Variants in KIAA1755 observed in about 807,000 individuals in gnomAD.
The protein encoded by KIAA1755 is uncharacterized protein KIAA1755.
Under a neutral mutation model 91.7 loss-of-function variants are expected in KIAA1755, and 68 were observed. The ratio of observed to expected loss-of-function variants is 0.74; its 90% CI spans 0.61 to 0.91. KIAA1755 has a LOEUF of 0.91. Ranked by LOEUF, KIAA1755 falls within the 40% of genes least tolerant of loss-of-function variation. The pLI, the probability that KIAA1755 is intolerant of heterozygous loss-of-function variation, is 0.00. For synonymous variants in KIAA1755, 610 were observed against 604.6 expected (o/e 1.01, Z -0.13); for missense variants, 1,535 against 1,494.4 (o/e 1.03, Z -0.45).
In KIAA1755 at chr20:38,239,737, C is replaced by T; in HGVS notation, c.1550-12G>A. On this transcript the variant is annotated splice_polypyrimidine_tract_variant and intron_variant, in intron 3 of 13. Coordinates refer to ENST00000279024, the MANE Select transcript of KIAA1755 (RefSeq NM_001029864.2). Reference sequence around the variant, plus strand: ...CTGAGTTGTTCCAGCTGGGAAAAAGCAACAACAAAGAAAAGGACGTTAAGC... The same window carrying T: ...CTGAGTTGTTCCAGCTGGGAAAAAGTAACAACAAAGAAAAGGACGTTAAGC... The T allele has an allele frequency of 6.2e-7, 1 of 1,609,548 alleles. No homozygotes were observed. Among genetic ancestry groups the T allele is most frequent in the East Asian group, 2.2e-5 (1 of 44,852 alleles).
At chr20:38,258,152 C>T (rs779019861) in intron 1 of KIAA1755, among the ~76,000 whole-genome samples, 1 of 152,136 alleles carries the variant, frequency 6.6e-6, no homozygotes, top group Non-Finnish European at 1.5e-5. Flanking sequence ...CCGCCAGCCT[C>T]GGCCTCCCAA....
In KIAA1755 at chr20:38,258,372, G is replaced by T. The variant is rs527524159; in HGVS notation, c.3+2126C>A. Among the ~76,000 whole-genome samples, 4 of 152,294 alleles carry T rather than the reference G, an allele frequency of 2.6e-5. No homozygotes were observed. The South Asian group carries it at 8.3e-4, about 32-fold the overall frequency. On this transcript the variant is annotated intron_variant, in intron 1 of 13. Transcript: ENST00000279024. ...TTCTTATATATTTTATCCAGTAAGTGGATGTGTAAAAGTTGTTTCAGTGAT... is the reference window on the plus strand; with the variant it reads ...TTCTTATATATTTTATCCAGTAAGTTGATGTGTAAAAGTTGTTTCAGTGAT...
chr20:38,230,533 C>T (rs1345043154), intron 5 of KIAA1755, among the ~76,000 whole-genome samples: 2 of 152,172 alleles, frequency 1.3e-5, no homozygotes, highest in African/African-American at 2.4e-5. Flanking sequence ...ATCAGAAAAT[C>T]TGGGGGATGG....
At chr20:38,226,112 C>A (rs6014376) in intron 7 of KIAA1755, among the ~76,000 whole-genome samples, 27 of 152,306 alleles carry the variant, frequency 1.8e-4, no homozygotes, top group African/African-American at 5.5e-4. Context: ...GGCAATCATA[C>A]AAACTGATGG....
intron 13 of KIAA1755, among the ~76,000 whole-genome samples, chr20:38,215,246 G>A (rs973850396): frequency 6.6e-6 from 1 of 152,214 alleles, no homozygotes; most frequent in Admixed American, 6.5e-5. Flanking sequence ...TTCCAACAGC[G>A]AGAGTTGGAC....
At chr20:38,250,146 A>G (rs1600653135) in intron 1 of KIAA1755, among the ~76,000 whole-genome samples, 2 of 152,078 alleles carry the variant, frequency 1.3e-5, no homozygotes, top group Non-Finnish European at 2.9e-5. Context: ...CTTCAAATCC[A>G]CTCACTTTTT....
At chr20:38,236,133 T>A (rs2075956482) in intron 4 of KIAA1755, among the ~76,000 whole-genome samples, 1 of 152,182 alleles carries the variant, frequency 6.6e-6, no homozygotes, top group Non-Finnish European at 1.5e-5. Flanking sequence ...ACAAATTGAA[T>A]GTGGGATGTA....
intron 1 of KIAA1755, 94 bp from the exon 2 acceptor site, chr20:38,246,220 C>T: frequency 2.9e-6 from 3 of 1,027,136 alleles, no homozygotes; most frequent in Non-Finnish European, 4.3e-6. Context: ...GCCTAAGGCC[C>T]CTGCTAATTC....
Position 38,240,668 on chromosome 20 carries a change from T to C in KIAA1755, c.1463A>G (p.Lys488Arg). 1 of 1,543,392 alleles carries C rather than the reference T, an allele frequency of 6.5e-7. No individual in the cohort carries two copies. The highest frequency in any genetic ancestry group is 2.3e-5 in the East Asian group (1 of 44,348). Residue 488 changes from lysine to arginine, a missense_variant, in exon 3 of 14, where the codon AAA becomes AGA. Transcript: ENST00000279024. ...GQRQPSVTPEKASLQHNGPWK... is the reference protein window; with the variant it reads ...GQRQPSVTPERASLQHNGPWK... ...GGGCCCATTGTGCTGGAGTGAGGCT[T>C]TCTCCGGGGTCACAGAGGGTTGCCT... is the stretch of plus-strand genomic sequence containing the variant.
intron 4 of KIAA1755, among the ~76,000 whole-genome samples, chr20:38,235,457 C>G (rs1040103346): frequency 6.6e-6 from 1 of 152,214 alleles, no homozygotes; most frequent in African/African-American, 2.4e-5. Flanking sequence ...ATCATCCACT[C>G]TAATCATAGG....
In KIAA1755 at chr20:38,213,359, C is replaced by G; in HGVS notation, c.3286G>C (p.Asp1096His). 1 of 1,607,438 alleles carries G rather than the reference C, an allele frequency of 6.2e-7. No homozygotes were observed. The highest frequency in any genetic ancestry group is 1.1e-5 in the South Asian group (1 of 90,034). ...SKGRWDQPPL[D>H]SLGMDHLPKS... ...GGCAAATGGTCCATGCCCAGTGAGT[C>G]TAGTGGAGGCTGATCCCACCTCCCC... Residue 1096 changes from aspartate (D) to histidine (H), a missense_variant, in exon 14 of 14, where the codon GAC (aspartate) becomes CAC (histidine). Transcript: ENST00000279024.
chr20:38,241,925 G>A lies in KIAA1755; in HGVS notation c.206C>T (p.Pro69Leu), dbSNP rs1318809447. The change falls in exon 3 of 14, where the codon CCC becomes CTC. Residue 69 changes from proline to leucine, a missense_variant. Coordinates refer to ENST00000279024, the MANE Select transcript of KIAA1755 (RefSeq NM_001029864.2). ...GTGTAAGAAGAGGCAGTGTGAGTAG[G>A]GAGCCTGTGGAGAGAAGGGGATGGC... ...CEQVREAACA[P>L]YSHCLFLHEG... 2.7e-5 allele frequency: 44 copies of A among 1,608,386 alleles called. No individual in the cohort carries two copies. The highest frequency in any genetic ancestry group is 3.4e-5 in the Non-Finnish European group (40 of 1,176,708).
chr20:38,213,772 G>T, intron 13 of KIAA1755, 29 bp from the exon 14 acceptor site: 1 of 1,412,190 alleles, frequency 7.1e-7, no homozygotes. Flanking sequence ...GGGAGGTGGG[G>T]GCTCAGGCTG....
At chr20:38,225,564 AT>A in intron 8 of KIAA1755, 100 bp downstream of exon 8, 1 of 827,990 alleles carries the variant, frequency 1.2e-6, no homozygotes, top group Non-Finnish European at 2.1e-6. Flanking sequence ...GTGACCGTTT[AT>A]TTTTTAGCAT....
At position 38,246,178 on chromosome 20, in the gene KIAA1755, G is replaced by A. The variant is rs766994916; in HGVS notation, c.4-52C>T. The A allele has an allele frequency of 6.7e-6, 10 of 1,498,764 alleles. No individual in the cohort carries two copies. In the South Asian group the frequency reaches 1.2e-4, roughly 18 times the overall value. The allele number at this position is 1,498,764 out of a possible 1,614,324, so 92.8% of individuals were successfully genotyped here. ...TAATAGCAATGATAATAAGGGCAGA[G>A]ACCACTTCCCGTGACCTTCCAGGCC... On this transcript the variant is annotated intron_variant, in intron 1 of 13. Coordinates refer to ENST00000279024, the MANE Select transcript of KIAA1755 (RefSeq NM_001029864.2).
chr20:38,245,900 T>C, intron 2 of KIAA1755, 29 bp downstream of exon 2: 2 of 1,608,784 alleles, frequency 1.2e-6, no homozygotes, highest in Non-Finnish European at 1.7e-6. Flanking sequence ...AACAGCTTGT[T>C]CCCTGTCCCT....
At chr20:38,220,833 G>A (rs914293458) in intron 10 of KIAA1755, among the ~76,000 whole-genome samples, 4 of 152,204 alleles carry the variant, frequency 2.6e-5, no homozygotes, top group Non-Finnish European at 5.9e-5. Context: ...GAGGGGAATC[G>A]ACTTGCAGAT....
chr20:38,230,439 G>A (rs2075839230), intron 5 of KIAA1755, among the ~76,000 whole-genome samples: 1 of 152,228 alleles, frequency 6.6e-6, no homozygotes, highest in South Asian at 2.1e-4. Context: ...TTCTTAAAGT[G>A]TAGTCCCAGG....
chr20:38,242,072 G>T, intron 2 of KIAA1755, 143 bp from the exon 3 acceptor site: 1 of 834,836 alleles, frequency 1.2e-6, no homozygotes, highest in South Asian at 1.8e-5. Flanking sequence ...TCACTGTCAA[G>T]GTTGTGCAAA....
Sources: gnomAD v4.1 joint callset for allele counts (sites outside exome capture counted in the v4.1 genomes callset) on GRCh38, gnomAD v4.1.1 for gene constraint, MANE v1.5 for transcripts, NCBI Gene and HGNC (gene_info 2026-07-23, HGNC 2026-07-21) for gene names.